Variants in DYNC2H1 observed in about 807,000 individuals in gnomAD.
The protein encoded by DYNC2H1 is dynein cytoplasmic 2 heavy chain 1.
Under a neutral mutation model 570.0 loss-of-function variants are expected in DYNC2H1, and 410 were observed. That is an observed-to-expected ratio of 0.72 (90% CI 0.66 to 0.78). DYNC2H1 has a LOEUF of 0.78. Ranked by LOEUF, DYNC2H1 falls within the 30% of genes least tolerant of loss-of-function variation. The probability of loss-of-function intolerance (pLI) is 0.00; values close to 1 mark genes in which losing one functional copy is unlikely to be tolerated. For synonymous variants in DYNC2H1, 1,688 were observed against 1,677.6 expected, an observed-to-expected ratio of 1.01 and a Z score of -0.15; for missense variants, 4,865 against 5,046.4, an observed-to-expected ratio of 0.96 and a Z score of 1.09.
chr11:103,403,203 A>G (rs926007910), intron 84 of DYNC2H1: 7 of 152,104 alleles, frequency 4.6e-5, no homozygotes, highest in Admixed American at 2.6e-4. Flanking sequence ...GGTTAATACT[A>G]CTGCGGGTAG....
chr11:103,383,385 T>A (rs915778585), intron 83 of DYNC2H1, among the ~76,000 whole-genome samples: 3 of 152,222 alleles, frequency 2.0e-5, no homozygotes, highest in Admixed American at 2.0e-4. Flanking sequence ...ATATGCCTTT[T>A]CATTTGCACG....
chr11:103,401,312 A>G (rs909011503), intron 84 of DYNC2H1, among the ~76,000 whole-genome samples: 4 of 152,128 alleles, frequency 2.6e-5, no homozygotes, highest in African/African-American at 9.7e-5. Flanking sequence ...TCTTTATCCA[A>G]CTATATGCCG....
intron 8 of DYNC2H1, 36 bp downstream of exon 8, chr11:103,120,838 C>G (rs1005893204): frequency 1.5e-6 from 2 of 1,292,332 alleles, no homozygotes; most frequent in South Asian, 4.3e-5. Context: ...TAATATTTCT[C>G]TTAAGCTAAT....
At chr11:103,281,142 T>C (rs1161173855) in intron 71 of DYNC2H1, among the ~76,000 whole-genome samples, 1 of 152,112 alleles carries the variant, frequency 6.6e-6, no homozygotes, top group Non-Finnish European at 1.5e-5. Context: ...TTAACTATTT[T>C]CTGGTTCCTT....
intron 84 of DYNC2H1, among the ~76,000 whole-genome samples, chr11:103,422,536 T>C (rs1307725933): frequency 6.6e-6 from 1 of 152,090 alleles, no homozygotes; most frequent in Non-Finnish European, 1.5e-5. Context: ...TTGTTCAACA[T>C]ATGCGAATCA....
At chr11:103,306,748 CTTCA>C (rs1336201150) in intron 77 of DYNC2H1, among the ~76,000 whole-genome samples, 7 of 152,194 alleles carry the variant, frequency 4.6e-5, no homozygotes, top group Admixed American at 4.6e-4. Flanking sequence ...AATTTTTAGA[CTTCA>C]TTCTCTTTTA....
At chr11:103,247,873 AT>A (rs1253560176) in intron 65 of DYNC2H1, among the ~76,000 whole-genome samples, 6 of 152,020 alleles carry the variant, frequency 3.9e-5, no homozygotes, top group Admixed American at 1.3e-4. Flanking sequence ...CTGTAAGATT[AT>A]TTGTAGATAT....
chr11:103,365,224 G>A (rs188995074), intron 83 of DYNC2H1, among the ~76,000 whole-genome samples: 7 of 152,194 alleles, frequency 4.6e-5, no homozygotes, highest in African/African-American at 1.7e-4. Flanking sequence ...AGCTGGGCAT[G>A]GTGGCACATT....
chr11:103,398,036 A>C (rs1942469246), intron 83 of DYNC2H1, among the ~76,000 whole-genome samples: 1 of 152,268 alleles, frequency 6.6e-6, no homozygotes, highest in South Asian at 2.1e-4. Context: ...ACTTAATAAA[A>C]TGGATTAAAA....
chr11:103,273,903 T>A (rs1400255744), intron 70 of DYNC2H1, among the ~76,000 whole-genome samples: 1 of 152,158 alleles, frequency 6.6e-6, no homozygotes. Context: ...ATTACCCACT[T>A]ATTGTCTACA....
In DYNC2H1 at chr11:103,199,995, C is replaced by A; in HGVS notation, c.8089-51C>A. ...ACAAATACAAAATGTTAATTTTTAA[C>A]TGTACCAAAAATACTTAAAGGGCAC... On this transcript the variant is annotated intron_variant, in intron 49 of 88. Transcript: ENST00000375735. This position sits in a 1 kb window ranked among gnomAD's most constrained non-coding sequence, Gnocchi z 4.6. 8.3e-7 allele frequency: 1 copy of A among 1,203,222 alleles called. No homozygotes were observed. The highest frequency in any genetic ancestry group is 1.2e-6 in the Non-Finnish European group (1 of 836,224). The allele number at this position is 1,203,222 out of a possible 1,614,324, so 74.5% of individuals were successfully genotyped here.
intron 83 of DYNC2H1, among the ~76,000 whole-genome samples, chr11:103,398,737 A>G (rs1942496629): frequency 1.2e-5 from 1 of 81,780 alleles, no homozygotes; most frequent in African/African-American, 1.3e-4. Context: ...AATTATTGAA[A>G]GTGATTTTTT....
intron 87 of DYNC2H1, among the ~76,000 whole-genome samples, chr11:103,457,981 G>T (rs952452838): frequency 6.6e-6 from 1 of 152,122 alleles, no homozygotes. Context: ...GTTACAGTAA[G>T]CTAAGGTTAA....
chr11:103,265,835 G>T (rs1865483447), intron 70 of DYNC2H1, among the ~76,000 whole-genome samples: 1 of 152,062 alleles, frequency 6.6e-6, no homozygotes, highest in African/African-American at 2.4e-5. Context: ...CCTTTCGATG[G>T]TTTTTTTGTT....
chr11:103,163,993 T>A lies in DYNC2H1; in HGVS notation c.4611+846T>A, dbSNP rs1861200105. The stretch of plus-strand genomic sequence containing the variant: ...CATGCCATTTGTATCTTTTTTCATT[T>A]TAAGGCAAACTGAAATGTTTCAAAA... On this transcript the variant is annotated intron_variant, in intron 30 of 88. Transcript: ENST00000375735. This position sits in a 1 kb window ranked among gnomAD's most constrained non-coding sequence, Gnocchi z 4.6. Among the ~76,000 whole-genome samples, 1 of 152,196 alleles carries A rather than the reference T, an allele frequency of 6.6e-6. No individual in the cohort carries two copies. The highest frequency in any genetic ancestry group is 2.4e-5 in the African/African-American group (1 of 41,436).
intron 84 of DYNC2H1, among the ~76,000 whole-genome samples, chr11:103,431,610 T>C (rs1318665564): frequency 2.0e-5 from 3 of 152,162 alleles, no homozygotes; most frequent in Non-Finnish European, 2.9e-5. Flanking sequence ...TCTTTATTAA[T>C]CAAAATAGGA....
At chr11:103,178,968 T>G in intron 38 of DYNC2H1, 58 bp from the exon 39 acceptor site, 1 of 1,470,080 alleles carries the variant, frequency 6.8e-7, no homozygotes, top group Middle Eastern at 1.8e-4. Flanking sequence ...TCCTTATTTT[T>G]AATTATTATC....
intron 70 of DYNC2H1, 72 bp downstream of exon 70, chr11:103,260,049 A>ATTTATAAATATAT: frequency 7.9e-5 from 71 of 898,736 alleles, no homozygotes; most frequent in Admixed American, 2.4e-4. Context: ...TTATAGTTAT[A>ATTTATAAATATAT]GTATAACTCT....
rs529507216 is a variant in DYNC2H1, at chr11:103,261,260, G to A, written c.10695+1283G>A. 6.7e-6 allele frequency among the ~76,000 whole-genome samples: 1 copy of A among 150,064 alleles called. No homozygotes were observed. Among genetic ancestry groups the A allele is most frequent in the Non-Finnish European group, 1.5e-5 (1 of 66,844 alleles). ...GAGCAGCTGGGGGGAAGGGGTGGCT[G>A]TGGGCGCAGCATCAGCAGACTTAAA... is the stretch of plus-strand genomic sequence containing the variant. On this transcript the variant is annotated intron_variant, in intron 70 of 88. Coordinates refer to ENST00000375735, the MANE Select transcript of DYNC2H1 (RefSeq NM_001377.3). This position sits in a 1 kb window ranked among gnomAD's most constrained non-coding sequence, Gnocchi z 4.8.
Sources: allele counts gnomAD v4.1 joint callset (sites outside exome capture counted in the v4.1 genomes callset), GRCh38; gene constraint gnomAD v4.1.1; non-coding constraint Gnocchi (gnomAD v3.1); transcripts MANE v1.5; gene names NCBI Gene and HGNC (gene_info 2026-07-23, HGNC 2026-07-21).